HSD17B12: variants seen among roughly 807,000 people sequenced by gnomAD.
The protein encoded by HSD17B12 is hydroxysteroid 17-beta dehydrogenase 12, also known as very-long-chain 3-oxoacyl-CoA reductase.
A neutral mutation model predicts 39.3 loss-of-function variants in HSD17B12; 32 were observed. The observed-to-expected ratio is 0.81, with a 90% CI of 0.61 to 1.09. The LOEUF is 1.09. Among genes scored for constraint, HSD17B12 ranks in the 50% least tolerant of loss-of-function variants. The pLI is 0.00. For missense variants in HSD17B12, 342 were observed against 382.9 expected, an observed-to-expected ratio of 0.89 and a Z score of 0.89; for synonymous variants, 150 against 146.7, an observed-to-expected ratio of 1.02 and a Z score of -0.16.
intron 6 of HSD17B12, among the ~76,000 whole-genome samples, chr11:43,828,398 C>T (rs1951272006): frequency 6.6e-6 from 1 of 150,942 alleles, no homozygotes; most frequent in African/African-American, 2.4e-5. Context: ...GCCTCGGCCT[C>T]CCAAAGTGCT....
the HSD17B12 span, among the ~76,000 whole-genome samples, chr11:43,643,856 A>G: frequency 1.3e-5 from 2 of 152,212 alleles, no homozygotes; most frequent in Non-Finnish European, 2.9e-5. Flanking sequence ...TAACTTAGAA[A>G]AATGTTGGAA....
intron 1 of HSD17B12, among the ~76,000 whole-genome samples, chr11:43,723,193 T>G (rs937578983): frequency 6.6e-6 from 1 of 152,194 alleles, no homozygotes; most frequent in African/African-American, 2.4e-5. Context: ...AAATCACTAT[T>G]TAGCTAAGAC....
At chr11:43,648,951 C>A in the HSD17B12 span, among the ~76,000 whole-genome samples, 47,862 of 152,082 alleles carry the variant, frequency 0.31, 7,761 homozygotes, top group African/African-American at 0.36. Flanking sequence ...AGGCTGGTCT[C>A]GAACTTCAGA....
At chr11:43,560,016 G>A in the HSD17B12 span, among the ~76,000 whole-genome samples, 9 of 152,092 alleles carry the variant, frequency 5.9e-5, no homozygotes, top group East Asian at 1.9e-4. Flanking sequence ...CTCTAGAATC[G>A]TCATGGTGGT....
chr11:43,763,319 A>G (rs908299916), intron 3 of HSD17B12, among the ~76,000 whole-genome samples: 15 of 152,248 alleles, frequency 9.9e-5, no homozygotes, highest in African/African-American at 3.4e-4. Flanking sequence ...TACAGAAACA[A>G]GAAACTTTTG....
chr11:43,774,843 T>C (rs1211611690), intron 3 of HSD17B12, among the ~76,000 whole-genome samples: 2 of 152,154 alleles, frequency 1.3e-5, no homozygotes, highest in African/African-American at 2.4e-5. Context: ...TCCCTTCCCT[T>C]AAGTTTAGGT....
intron 9 of HSD17B12, among the ~76,000 whole-genome samples, chr11:43,846,914 A>T (rs1951481381): frequency 6.6e-6 from 1 of 152,250 alleles, no homozygotes; most frequent in East Asian, 1.9e-4. Context: ...AATATTTAGA[A>T]AGCACCTAAT....
the HSD17B12 span, among the ~76,000 whole-genome samples, chr11:43,617,586 T>C: frequency 6.6e-6 from 1 of 152,130 alleles, no homozygotes; most frequent in Non-Finnish European, 1.5e-5. Flanking sequence ...ACACAGTTGT[T>C]CCCTGAGTCA....
upstream of HSD17B12, among the ~76,000 whole-genome samples, chr11:43,677,926 A>G (rs552394151): frequency 6.6e-6 from 1 of 152,368 alleles, no homozygotes; most frequent in Non-Finnish European, 1.5e-5. Context: ...AGCATGATTT[A>G]TAATCCTTTG....
chr11:43,736,255 A>G (rs190753279), intron 1 of HSD17B12, among the ~76,000 whole-genome samples: 6 of 152,272 alleles, frequency 3.9e-5, no homozygotes, highest in African/African-American at 1.2e-4. Context: ...CAGGGGAGTA[A>G]CTGCCTTTAA....
intron 3 of HSD17B12, among the ~76,000 whole-genome samples, chr11:43,762,162 A>G (rs1305398645): frequency 6.8e-6 from 1 of 147,098 alleles, no homozygotes. Flanking sequence ...CATGAGGGTT[A>G]GTGAAAAATT....
intron 1 of HSD17B12, among the ~76,000 whole-genome samples, chr11:43,747,551 AGAGT>A (rs1003113634): frequency 6.6e-6 from 1 of 152,226 alleles, no homozygotes; most frequent in African/African-American, 2.4e-5. Flanking sequence ...TCCCATGCTC[AGAGT>A]GAGAGCTGCT....
At chr11:43,590,944 T>G in the HSD17B12 span, among the ~76,000 whole-genome samples, 2 of 152,098 alleles carry the variant, frequency 1.3e-5, no homozygotes, top group East Asian at 3.9e-4. Flanking sequence ...ATTCTGTACT[T>G]TTCAGCTAAT....
the HSD17B12 span, among the ~76,000 whole-genome samples, chr11:43,652,065 T>TG: frequency 6.6e-6 from 1 of 152,216 alleles, no homozygotes; most frequent in East Asian, 1.9e-4. Context: ...ACTCTTCAAA[T>TG]GGATCTATAG....
Position 43,837,656 on chromosome 11 carries a change from G to C in HSD17B12, c.537-661G>C, listed in dbSNP as rs569272273. ...GCAAAAGACACAGTTTGATGAACTAGAGTCACATAATTTTAGAGTCAACTC... is the reference window on the plus strand; with the variant it reads ...GCAAAAGACACAGTTTGATGAACTACAGTCACATAATTTTAGAGTCAACTC... On this transcript the variant is annotated intron_variant, in intron 7 of 10. Coordinates refer to ENST00000278353, the MANE Select transcript of HSD17B12 (RefSeq NM_016142.3). Among the ~76,000 whole-genome samples, 22 of 152,256 alleles carry C rather than the reference G, an allele frequency of 1.4e-4. No individual in the cohort carries two copies. In the South Asian group the frequency reaches 1.5e-3, roughly 10 times the overall value.
chr11:43,579,999 G>A, the HSD17B12 span, among the ~76,000 whole-genome samples: 546 of 152,054 alleles, frequency 3.6e-3, 8 homozygotes, highest in East Asian at 0.031. Flanking sequence ...CCCCCACTGG[G>A]GGACTATACT....
the HSD17B12 span, among the ~76,000 whole-genome samples, chr11:43,659,165 G>T: frequency 6.6e-6 from 1 of 152,210 alleles, no homozygotes; most frequent in Non-Finnish European, 1.5e-5. Flanking sequence ...AATGAGCAAG[G>T]CTCCATGGGC....
At chr11:43,599,430 T>A in the HSD17B12 span, among the ~76,000 whole-genome samples, 2 of 152,316 alleles carry the variant, frequency 1.3e-5, no homozygotes, top group African/African-American at 4.8e-5. Flanking sequence ...TTTTTTAGTT[T>A]TTATTTTAAA....
At chr11:43,563,079 T>C in the HSD17B12 span, among the ~76,000 whole-genome samples, 1 of 152,178 alleles carries the variant, frequency 6.6e-6, no homozygotes, top group African/African-American at 2.4e-5. Flanking sequence ...CTCACCCAGG[T>C]CTTGTATTGC....
Sources: gnomAD v4.1 joint callset for allele counts (sites outside exome capture counted in the v4.1 genomes callset) on GRCh38, gnomAD v4.1.1 for gene constraint, MANE v1.5 for transcripts, NCBI Gene and HGNC (gene_info 2026-07-23, HGNC 2026-07-21) for gene names.